The following ARHGAP6 variants were observed in gnomAD, a reference collection of about 807,000 sequenced individuals.
ARHGAP6 encodes the protein Rho GTPase activating protein 6.
In ARHGAP6, 16 loss-of-function variants were observed where a neutral mutation model predicts 55.7. The observed-to-expected ratio is 0.29, with a 90% confidence interval of 0.19 to 0.44. The LOEUF is 0.44. Among genes scored for constraint, ARHGAP6 ranks in the 20% least tolerant of loss-of-function variants. ARHGAP6 has a pLI of 1.00. For missense variants in ARHGAP6, 698 were observed against 808.9 expected (o/e 0.86, Z 1.66); for synonymous variants, 382 against 360.9 (o/e 1.06, Z -0.66).
chrX:11,187,561 T>A (rs2046401537), intron 4 of ARHGAP6, among the ~76,000 whole-genome samples: 1 of 112,459 alleles, frequency 8.9e-6, no homozygotes, highest in African/African-American at 3.2e-5. Context: ...TGTAATTTCT[T>A]CATTTTTAAA....
rs368604074 is a variant in ARHGAP6 at position 11,188,719 on chromosome X, C to G, written c.1077+9G>C. 5 of 1,204,257 alleles carry G rather than the reference C, an allele frequency of 4.2e-6. No homozygotes were observed. The African/African-American group carries it at 8.8e-5, about 21-fold the overall frequency. On this transcript the variant is annotated intron_variant, in intron 4 of 12. Coordinates refer to ENST00000337414, the MANE Select transcript of ARHGAP6 (RefSeq NM_013427.3). ...GCACTGGTGTCAGAGCAAATACTGG[C>G]CACCTCACCCTCCTCCTAGCCCGAG...
At chrX:11,304,401 T>C (rs2048210970) in intron 1 of ARHGAP6, among the ~76,000 whole-genome samples, 1 of 111,363 alleles carries the variant, frequency 9.0e-6, no homozygotes, top group Non-Finnish European at 1.9e-5. Context: ...ATGTCTGTCA[T>C]TTATCAGTGC....
intron 1 of ARHGAP6, among the ~76,000 whole-genome samples, chrX:11,573,338 C>A (rs7883957): frequency 0.25 from 27,470 of 107,756 alleles, 3,137 homozygotes; most frequent in Middle Eastern, 0.38. Context: ...TTAAGTCTTT[C>A]ATCCATCTTG....
At chrX:11,498,328 A>G (rs2050643594) in intron 1 of ARHGAP6, among the ~76,000 whole-genome samples, 1 of 112,296 alleles carries the variant, frequency 8.9e-6, no homozygotes, top group Non-Finnish European at 1.9e-5. Flanking sequence ...GGTACAATTT[A>G]TAGGCTTTCA....
chrX:11,223,088 G>T, intron 2 of ARHGAP6: 1 of 149,655 alleles, frequency 6.7e-6, no homozygotes, highest in Non-Finnish European at 1.3e-5. Context: ...GTCCCATATT[G>T]ATTTCAATAT....
intron 1 of ARHGAP6, among the ~76,000 whole-genome samples, chrX:11,383,917 A>G (rs2049292634): frequency 8.9e-6 from 1 of 111,803 alleles, no homozygotes; most frequent in Non-Finnish European, 1.9e-5. Context: ...ACTAGAAAAT[A>G]AATGAAGTCT....
chrX:11,274,817 C>T (rs922601709), intron 1 of ARHGAP6, among the ~76,000 whole-genome samples: 6 of 111,016 alleles, frequency 5.4e-5, no homozygotes, highest in African/African-American at 1.6e-4. Flanking sequence ...GTGTGTGTTG[C>T]TCCCCTTCCT....
At chrX:11,257,838 A>G (rs751662609) in intron 1 of ARHGAP6, among the ~76,000 whole-genome samples, 6 of 112,069 alleles carry the variant, frequency 5.4e-5, no homozygotes, top group Non-Finnish European at 1.1e-4. Flanking sequence ...GATCAAGGAA[A>G]GCTTTATAGA....
At chrX:11,392,903 T>A (rs149326302) in intron 1 of ARHGAP6, among the ~76,000 whole-genome samples, 3,060 of 111,908 alleles carry the variant, frequency 0.027, 60 homozygotes, top group Non-Finnish European at 0.042. Flanking sequence ...AAATAAGAGA[T>A]ACAAGGCAAG....
chrX:11,450,191 GAACA>G (rs1569348863), intron 1 of ARHGAP6, among the ~76,000 whole-genome samples: 1 of 101,862 alleles, frequency 9.8e-6, no homozygotes, highest in African/African-American at 3.8e-5. Context: ...CCCCTTTGTA[GAACA>G]AATAATAAGT....
At chrX:11,656,724 A>G (rs1036758319) in intron 1 of ARHGAP6, among the ~76,000 whole-genome samples, 1 of 110,601 alleles carries the variant, frequency 9.0e-6, no homozygotes, top group Non-Finnish European at 1.9e-5. Flanking sequence ...CCTCCCTCTT[A>G]TAAGGATCCT....
At position 11,466,249 on chromosome X, in the gene ARHGAP6, T is replaced by TA. The variant is rs201622233; in HGVS notation, c.588+197991dup. ...TCAAAACAATGTAAAAAGTAGCTCC[T>TA]AAAAATATTTTGTGCATGAATCACT... On this transcript the variant is annotated intron_variant, in intron 1 of 12. Coordinates refer to ENST00000337414, the MANE Select transcript of ARHGAP6 (RefSeq NM_013427.3). Among the ~76,000 whole-genome samples, 393 of 111,716 alleles carry TA rather than the reference T, an allele frequency of 3.5e-3. 6 individuals carry two copies. In the East Asian group the frequency reaches 0.054, roughly 15 times the overall value.
chrX:11,199,649 A>G (rs754763385), intron 2 of ARHGAP6, among the ~76,000 whole-genome samples: 2 of 112,639 alleles, frequency 1.8e-5, no homozygotes, highest in East Asian at 2.8e-4. Context: ...TCACAAGGAT[A>G]ATATATACTT....
chrX:11,596,251 C>T (rs1003670429), intron 1 of ARHGAP6, among the ~76,000 whole-genome samples: 12 of 111,774 alleles, frequency 1.1e-4, no homozygotes, highest in Non-Finnish European at 1.7e-4. Flanking sequence ...CATAAAAAAA[C>T]GATGAGTTCA....
At chrX:11,478,199 A>G (rs1210949291) in intron 1 of ARHGAP6, among the ~76,000 whole-genome samples, 1 of 111,731 alleles carries the variant, frequency 9.0e-6, no homozygotes, top group Non-Finnish European at 1.9e-5. Context: ...CTTTATACCC[A>G]AGAGAAATGA....
At chrX:11,238,049 C>A (rs2047226678) in intron 2 of ARHGAP6, among the ~76,000 whole-genome samples, 1 of 112,148 alleles carries the variant, frequency 8.9e-6, no homozygotes, top group South Asian at 3.8e-4. Flanking sequence ...ACTAAACTTA[C>A]TCCAGTTGAG....
intron 9 of ARHGAP6, among the ~76,000 whole-genome samples, chrX:11,160,907 A>T (rs1313624618): frequency 8.9e-6 from 1 of 112,486 alleles, no homozygotes; most frequent in Non-Finnish European, 1.9e-5. Context: ...AAAATTGTAG[A>T]TCCATGTATT....
At chrX:11,403,692 A>G (rs1448922513) in intron 1 of ARHGAP6, among the ~76,000 whole-genome samples, 2 of 112,231 alleles carry the variant, frequency 1.8e-5, no homozygotes, top group Non-Finnish European at 3.8e-5. Flanking sequence ...CTTCCATAGG[A>G]AAGTGTTGCT....
At chrX:11,528,498 G>C (rs946732000) in intron 1 of ARHGAP6, among the ~76,000 whole-genome samples, 1 of 111,697 alleles carries the variant, frequency 9.0e-6, no homozygotes, top group Non-Finnish European at 1.9e-5. Context: ...TTACCAAAAG[G>C]GTTGCCTAGC....
Sources: gnomAD v4.1 joint callset for allele counts (sites outside exome capture counted in the v4.1 genomes callset) on GRCh38, gnomAD v4.1.1 for gene constraint, MANE v1.5 for transcripts, NCBI Gene and HGNC (gene_info 2026-07-23, HGNC 2026-07-21) for gene names.